The following THUMPD2 variants were observed in gnomAD, a reference collection of about 807,000 sequenced individuals.
THUMPD2 encodes the protein U6 snRNA (guanine-N(2))-methyltransferase THUMPD2.
A neutral mutation model predicts 49.4 loss-of-function variants in THUMPD2; 56 were observed. The observed-to-expected ratio is 1.13, with a 90% CI of 0.91 to 1.41. THUMPD2 has a LOEUF of 1.41. Ranked by LOEUF, THUMPD2 falls within the 40% of genes most tolerant of loss-of-function variation. The probability of loss-of-function intolerance (pLI) is 0.00; values close to 1 mark genes in which losing one functional copy is unlikely to be tolerated. For missense variants in THUMPD2, 709 were observed against 594.5 expected, an observed-to-expected ratio of 1.19 and a Z score of -2.00; for synonymous variants, 237 against 205.2, an observed-to-expected ratio of 1.15 and a Z score of -1.32.
intron 9 of THUMPD2, among the ~76,000 whole-genome samples, chr2:39,741,401 TGTG>T (rs1300985480): frequency 1.3e-5 from 2 of 152,182 alleles, no homozygotes; most frequent in Non-Finnish European, 2.9e-5. Context: ...ATAAACATGA[TGTG>T]GTCTCCTTTT....
In THUMPD2 at chr2:39,750,257, T is replaced by C. The variant is rs116631488; in HGVS notation, c.1078+5038A>G. On this transcript the variant is annotated intron_variant, in intron 8 of 9. Coordinates refer to ENST00000505747, the MANE Select transcript of THUMPD2 (RefSeq NM_025264.5). ...CCTTTTATCCACAACCTCACCACCA[T>C]CTGTTGTTTCTGGACTTTTTAATAA... Among the ~76,000 whole-genome samples, 903 of 152,282 alleles carry C rather than the reference T, an allele frequency of 5.9e-3. 6 individuals carry two copies. The highest frequency in any genetic ancestry group is 0.021 in the African/African-American group (859 of 41,552).
chr2:39,770,226 T>C (rs957041399), intron 2 of THUMPD2, 107 bp from the exon 3 acceptor site: 53 of 738,574 alleles, frequency 7.2e-5, no homozygotes, highest in Non-Finnish European at 9.1e-5. Context: ...TTAAGTTTTA[T>C]TAAATTGCTA....
At chr2:39,769,010 T>G in intron 3 of THUMPD2, 1 of 1,304,702 alleles carries the variant, frequency 7.7e-7, no homozygotes, top group Non-Finnish European at 1.0e-6. Flanking sequence ...TGGCAACAGT[T>G]TGTGGTGTTC....
chr2:39,767,603 CAAAAAA>C (rs57906396), intron 4 of THUMPD2, among the ~76,000 whole-genome samples: 5 of 67,842 alleles, frequency 7.4e-5, no homozygotes, highest in South Asian at 5.8e-4. Flanking sequence ...GACTCCGTCT[CAAAAAA>C]AAAAAAAAAA....
At chr2:39,762,523 G>T (rs1426619849) in intron 5 of THUMPD2, among the ~76,000 whole-genome samples, 2 of 151,872 alleles carry the variant, frequency 1.3e-5, no homozygotes, top group Admixed American at 6.6e-5. Flanking sequence ...GCAAACCCAT[G>T]GGAGTTTGGC....
At chr2:39,748,546 G>T (rs942295383) in intron 8 of THUMPD2, among the ~76,000 whole-genome samples, 1 of 152,066 alleles carries the variant, frequency 6.6e-6, no homozygotes, top group African/African-American at 2.4e-5. Flanking sequence ...AAATTAGCTG[G>T]GCGTGGTAGC....
chr2:39,754,226 A>T (rs1675804638), intron 8 of THUMPD2, among the ~76,000 whole-genome samples: 1 of 152,202 alleles, frequency 6.6e-6, no homozygotes, highest in South Asian at 2.1e-4. Flanking sequence ...ATTAGGGATC[A>T]TGAAAGCTTG....
rs566445467 is a variant in THUMPD2 at position 39,776,051 on chromosome 2, C to A, written c.126+3063G>T. 3.9e-5 allele frequency among the ~76,000 whole-genome samples: 6 copies of A among 152,208 alleles called. No individual in the cohort carries two copies. In the South Asian group the frequency reaches 1.2e-3, roughly 32 times the overall value. On this transcript the variant is annotated intron_variant, in intron 1 of 9. Transcript: ENST00000505747. ...TGAACTGACATTAGAGATATCTCTA[C>A]AACATTCAATTTTATCTTAAAATAA...
rs1673121345 is a variant in THUMPD2 at position 39,736,698 on chromosome 2, T to C, written c.*37A>G. 8.3e-6 allele frequency: 13 copies of C among 1,571,714 alleles called. No individual in the cohort carries two copies. The highest frequency in any genetic ancestry group is 1.1e-5 in the Non-Finnish European group (13 of 1,156,020). ...GCAAACTTCTGCTGTACAGCTAACTTACAAGGGCCTGAACCCGGCTGATGG... is the reference window on the plus strand; with the variant it reads ...GCAAACTTCTGCTGTACAGCTAACTCACAAGGGCCTGAACCCGGCTGATGG... On this transcript the variant is annotated 3_prime_UTR_variant, in exon 10 of 10. Coordinates refer to ENST00000505747, the MANE Select transcript of THUMPD2 (RefSeq NM_025264.5).
chr2:39,753,114 C>T (rs1675634454), intron 8 of THUMPD2, among the ~76,000 whole-genome samples: 3 of 152,182 alleles, frequency 2.0e-5, no homozygotes, highest in Non-Finnish European at 4.4e-5. Context: ...AAAAAAACCC[C>T]TGCTTGATCC....
chr2:39,762,522 T>C (rs1211193449), intron 5 of THUMPD2, among the ~76,000 whole-genome samples: 1 of 151,920 alleles, frequency 6.6e-6, no homozygotes, highest in Non-Finnish European at 1.5e-5. Flanking sequence ...GGCAAACCCA[T>C]GGGAGTTTGG....
At chr2:39,763,477 T>TG (rs1677098857) in intron 5 of THUMPD2, among the ~76,000 whole-genome samples, 1 of 152,068 alleles carries the variant, frequency 6.6e-6, no homozygotes, top group African/African-American at 2.4e-5. Flanking sequence ...AATATCTACT[T>TG]GGACATTTTT....
At chr2:39,741,068 T>C (rs1014467760) in intron 9 of THUMPD2, among the ~76,000 whole-genome samples, 1 of 152,156 alleles carries the variant, frequency 6.6e-6, no homozygotes, top group Non-Finnish European at 1.5e-5. Flanking sequence ...GTTTACCAAA[T>C]TGTATTCCTT....
chr2:39,750,791 G>C (rs1178102631), intron 8 of THUMPD2, among the ~76,000 whole-genome samples: 1 of 152,178 alleles, frequency 6.6e-6, no homozygotes, highest in Non-Finnish European at 1.5e-5. Context: ...GTTTCATTTG[G>C]TCAGTGATAT....
rs143169472 is a variant in THUMPD2, at chr2:39,747,691, A to T, written c.1079-3213T>A. On this transcript the variant is annotated intron_variant, in intron 8 of 9. Transcript: ENST00000505747. The stretch of plus-strand genomic sequence containing the variant: ...TTTTGAGAAAAAATAATTTGCCTAC[A>T]GTGCTAATATCTGAACAAGTTCTAG... 3.6e-3 allele frequency among the ~76,000 whole-genome samples: 551 copies of T among 152,280 alleles called. 3 individuals carry two copies. The highest frequency in any genetic ancestry group is 0.012 in the African/African-American group (505 of 41,564).
At chr2:39,738,642 C>CATAT (rs60242381) in intron 9 of THUMPD2, among the ~76,000 whole-genome samples, 91,687 of 146,410 alleles carry the variant, frequency 0.63, 30,200 homozygotes, top group East Asian at 0.84. Context: ...CATATAAATA[C>CATAT]ATAATTTATA....
At chr2:39,770,304 GTTCA>G (rs1161105416) in intron 2 of THUMPD2, among the ~76,000 whole-genome samples, 185 bp from the exon 3 acceptor site, 2 of 152,056 alleles carry the variant, frequency 1.3e-5, no homozygotes, top group African/African-American at 4.8e-5. Context: ...GCAGAATAAA[GTTCA>G]TTCTTACATT....
chr2:39,752,591 C>T (rs893954734), intron 8 of THUMPD2, among the ~76,000 whole-genome samples: 7 of 152,134 alleles, frequency 4.6e-5, no homozygotes, highest in African/African-American at 1.7e-4. Context: ...CCTGTATTAG[C>T]AAGACATATA....
At chr2:39,766,254 TTCTATAA>T in intron 4 of THUMPD2, 145 bp from the exon 5 acceptor site, 1 of 500,180 alleles carries the variant, frequency 2.0e-6, no homozygotes, top group Non-Finnish European at 3.4e-6. Context: ...TAGAAAAATG[TTCTATAA>T]TCTTTTTTTT....
Sources: allele counts gnomAD v4.1 joint callset (sites outside exome capture counted in the v4.1 genomes callset), GRCh38; gene constraint gnomAD v4.1.1; transcripts MANE v1.5; gene names NCBI Gene and HGNC (gene_info 2026-07-23, HGNC 2026-07-21).